Variants in MKLN1 observed in about 807,000 individuals in gnomAD.
MKLN1 encodes muskelin.
In MKLN1, 18 loss-of-function variants were observed where a neutral mutation model predicts 99.0. The ratio of observed to expected loss-of-function variants is 0.18; its 90% CI spans 0.13 to 0.27. The LOEUF is 0.27. Ranked by LOEUF, MKLN1 falls within the 10% of genes least tolerant of loss-of-function variation. MKLN1 has a pLI of 1.00. For synonymous variants in MKLN1, 288 were observed against 293.2 expected, an observed-to-expected ratio of 0.98 and a Z score of 0.18; for missense variants, 621 against 875.9, an observed-to-expected ratio of 0.71 and a Z score of 3.67.
intron 1 of MKLN1, among the ~76,000 whole-genome samples, chr7:131,353,302 T>C (rs1269174731): frequency 1.3e-5 from 2 of 152,146 alleles, no homozygotes; most frequent in African/African-American, 2.4e-5. Flanking sequence ...TTAGCTATTA[T>C]GATAGGCATA....
At chr7:131,373,464 T>G (rs1405697153) in intron 1 of MKLN1, among the ~76,000 whole-genome samples, 1 of 152,124 alleles carries the variant, frequency 6.6e-6, no homozygotes, top group Non-Finnish European at 1.5e-5. Context: ...TGTTTTGCCT[T>G]TGTGGAACAT....
chr7:131,229,185 T>A (rs1797202957), intron 3 of MKLN1, among the ~76,000 whole-genome samples: 2 of 151,482 alleles, frequency 1.3e-5, no homozygotes, highest in South Asian at 4.2e-4. Flanking sequence ...AATTATACTT[T>A]AAGTTCTGGG....
chr7:131,285,525 C>T (rs911795643), intron 3 of MKLN1, among the ~76,000 whole-genome samples: 4 of 152,096 alleles, frequency 2.6e-5, no homozygotes, highest in African/African-American at 7.2e-5. Context: ...TTGGACTTGC[C>T]GAAAGTCAAC....
rs147518652 is a variant in MKLN1, at chr7:131,486,682, C to T, written c.2087-925C>T. ...ATGGCATTTAGCAGCGCTCTCATGT[C>T]TCAGCTATTTCAGGGATAGGGGAAA... On this transcript the variant is annotated intron_variant, in intron 17 of 17. Transcript: ENST00000352689. 5.9e-4 allele frequency among the ~76,000 whole-genome samples: 90 copies of T among 152,242 alleles called. No individual in the cohort carries two copies. In the East Asian group the frequency reaches 0.015, roughly 25 times the overall value.
chr7:131,195,294 T>G (rs1481816659), intron 2 of MKLN1, among the ~76,000 whole-genome samples: 1 of 151,954 alleles, frequency 6.6e-6, no homozygotes, highest in African/African-American at 2.4e-5. Context: ...GTGGATCACT[T>G]GAGGTCAGGA....
chr7:131,390,018 C>G (rs924898455), intron 4 of MKLN1, among the ~76,000 whole-genome samples: 1 of 152,070 alleles, frequency 6.6e-6, no homozygotes, highest in African/African-American at 2.4e-5. Flanking sequence ...CCAGAGTCCA[C>G]ATTTTGATTT....
intron 3 of MKLN1, among the ~76,000 whole-genome samples, chr7:131,246,973 G>A (rs1004963824): frequency 6.6e-6 from 1 of 152,158 alleles, no homozygotes; most frequent in African/African-American, 2.4e-5. Flanking sequence ...TGGTAGTACT[G>A]TACAGATGTA....
chr7:131,425,601 A>G (rs1795335676), intron 8 of MKLN1, among the ~76,000 whole-genome samples: 1 of 152,226 alleles, frequency 6.6e-6, no homozygotes, highest in Admixed American at 6.5e-5. Flanking sequence ...AAAGTGTTGA[A>G]TAAACATTCC....
chr7:131,350,223 A>T (rs1799679156), intron 1 of MKLN1, among the ~76,000 whole-genome samples: 1 of 151,512 alleles, frequency 6.6e-6, no homozygotes, highest in South Asian at 2.1e-4. Context: ...TTTTATTTAA[A>T]ATCTTTTTTT....
intron 2 of MKLN1, among the ~76,000 whole-genome samples, chr7:131,153,962 C>T (rs1358620271): frequency 1.3e-5 from 2 of 151,402 alleles, no homozygotes; most frequent in Non-Finnish European, 2.9e-5. Flanking sequence ...TGCACCTGGC[C>T]AGAAGTAGGA....
rs1797533314 is a variant in MKLN1 at position 131,495,459 on chromosome 7, T to C, written c.*7731T>C. Reference sequence around the variant, plus strand: ...GTATTGATGTTAGTGATTGTCAAAATAGGTTTATCATTTAAAAAACTAGGA... The same window carrying C: ...GTATTGATGTTAGTGATTGTCAAAACAGGTTTATCATTTAAAAAACTAGGA... On this transcript the variant is annotated 3_prime_UTR_variant, in exon 18 of 18. Coordinates refer to ENST00000352689, the MANE Select transcript of MKLN1 (RefSeq NM_013255.5). The C allele has an allele frequency of 6.6e-6, 1 of 152,176 alleles. No homozygotes were observed. Among genetic ancestry groups the C allele is most frequent in the African/African-American group, 2.4e-5 (1 of 41,446 alleles). 9.4% of individuals were successfully genotyped at this position (152,176 alleles called of 1,614,324 possible).
In MKLN1 at chr7:131,493,785, C is replaced by CTAGCAGTCACAGCAGT. The variant is rs1298769863; in HGVS notation, c.*6062_*6077dup. The CTAGCAGTCACAGCAGT allele has an allele frequency of 6.6e-6, 1 of 152,190 alleles. No individual in the cohort carries two copies. The highest frequency in any genetic ancestry group is 1.5e-5 in the Non-Finnish European group (1 of 68,026). The allele number at this position is 152,190 out of a possible 1,614,324, so 9.4% of individuals were successfully genotyped here. On this transcript the variant is annotated 3_prime_UTR_variant, in exon 18 of 18. Transcript: ENST00000352689. Reference sequence around the variant, plus strand: ...ACATAGCTCTGTACCATCTGGGATGCTAGCAGTCACAGCAGTTAGCTCAGA... The same window carrying CTAGCAGTCACAGCAGT: ...ACATAGCTCTGTACCATCTGGGATGCTAGCAGTCACAGCAGTTAGCAGTCACAGCAGTTAGCTCAGA...
chr7:131,432,605 G>T lies in MKLN1; in HGVS notation c.960+3460G>T, dbSNP rs534197860. ...TGGGATTACAGGTGCCTGCCACCAC[G>T]CCTGGCTAATTTTTGTATTTTTAGT... is the stretch of plus-strand genomic sequence containing the variant. On this transcript the variant is annotated intron_variant, in intron 9 of 17. Coordinates refer to ENST00000352689, the MANE Select transcript of MKLN1 (RefSeq NM_013255.5). Among the ~76,000 whole-genome samples the T allele has an allele frequency of 1.2e-4, 18 of 152,116 alleles. No homozygotes were observed. The East Asian group carries it at 3.3e-3, about 28-fold the overall frequency.
intron 1 of MKLN1, among the ~76,000 whole-genome samples, chr7:131,130,574 T>C (rs1795534153): frequency 6.6e-6 from 1 of 152,252 alleles, no homozygotes; most frequent in Admixed American, 6.5e-5. Context: ...CTGTCGATAA[T>C]GTTAATACGT....
intron 3 of MKLN1, among the ~76,000 whole-genome samples, chr7:131,291,904 A>G (rs184693654): frequency 9.3e-4 from 141 of 152,270 alleles, no homozygotes; most frequent in South Asian, 2.3e-3. Flanking sequence ...CAGGAGTTCG[A>G]GACCAGTCTG....
At chr7:131,243,371 G>C (rs940042665) in intron 3 of MKLN1, among the ~76,000 whole-genome samples, 1 of 152,068 alleles carries the variant, frequency 6.6e-6, no homozygotes, top group South Asian at 2.1e-4. Flanking sequence ...TGCTGTTACC[G>C]GCCTTTGTAA....
chr7:131,169,025 G>A (rs994856083), intron 2 of MKLN1, among the ~76,000 whole-genome samples: 2 of 152,006 alleles, frequency 1.3e-5, no homozygotes, highest in East Asian at 1.9e-4. Context: ...CCACCACCAC[G>A]CCTGGCTAAT....
At chr7:131,178,454 A>G (rs1180021513) in intron 2 of MKLN1, among the ~76,000 whole-genome samples, 1 of 151,884 alleles carries the variant, frequency 6.6e-6, no homozygotes, top group African/African-American at 2.4e-5. Flanking sequence ...CCCTAAGTAC[A>G]AAAGGAGATG....
intron 2 of MKLN1, among the ~76,000 whole-genome samples, chr7:131,158,752 A>G (rs1796005375): frequency 6.6e-6 from 1 of 152,232 alleles, no homozygotes; most frequent in African/African-American, 2.4e-5. Flanking sequence ...AAAACTGTTC[A>G]GTGAAAGGTG....
Sources: gnomAD v4.1 joint callset for allele counts (sites outside exome capture counted in the v4.1 genomes callset) on GRCh38, gnomAD v4.1.1 for gene constraint, MANE v1.5 for transcripts, NCBI Gene and HGNC (gene_info 2026-07-23, HGNC 2026-07-21) for gene names.